NAV3: variants seen among roughly 807,000 people sequenced by gnomAD.
NAV3 encodes the protein neuron navigator 3.
Under a neutral mutation model 244.7 loss-of-function variants are expected in NAV3, and 87 were observed. The observed-to-expected ratio is 0.36, with a 90% CI of 0.30 to 0.42. The LOEUF (loss-of-function observed/expected upper bound fraction) is 0.42, where lower values mean the gene tolerates loss of function less well. Ranked by LOEUF, NAV3 falls within the 20% of genes least tolerant of loss-of-function variation. The probability of loss-of-function intolerance (pLI) is 1.00; values close to 1 mark genes in which losing one functional copy is unlikely to be tolerated. For synonymous variants in NAV3, 1,126 were observed against 1,042.2 expected, an observed-to-expected ratio of 1.08 and a Z score of -1.55; for missense variants, 2,663 against 2,893.3, an observed-to-expected ratio of 0.92 and a Z score of 1.83.
intron 1 of NAV3, among the ~76,000 whole-genome samples, chr12:77,865,598 T>C (rs1046987100): frequency 6.6e-6 from 1 of 152,094 alleles, no homozygotes; most frequent in Non-Finnish European, 1.5e-5. Context: ...CTACTTATTA[T>C]AATTTAAGAC....
intron 2 of NAV3, among the ~76,000 whole-genome samples, chr12:77,597,318 T>C (rs1870215385): frequency 6.6e-6 from 1 of 152,072 alleles, no homozygotes; most frequent in African/African-American, 2.4e-5. Flanking sequence ...GTATTACTCA[T>C]ATGATGTGAA....
At chr12:77,955,620 A>G (rs572966488) in intron 3 of NAV3, among the ~76,000 whole-genome samples, 7 of 152,122 alleles carry the variant, frequency 4.6e-5, no homozygotes, top group Admixed American at 3.9e-4. Flanking sequence ...CTATAATCCC[A>G]GCACTTTGAG....
chr12:78,004,720 G>A (rs531305284), intron 7 of NAV3, among the ~76,000 whole-genome samples: 8 of 152,312 alleles, frequency 5.3e-5, no homozygotes, highest in African/African-American at 1.9e-4. Context: ...GTGCCTTCCT[G>A]ATGCACAACA....
At chr12:77,715,035 AG>A (rs1170411216) in intron 2 of NAV3, among the ~76,000 whole-genome samples, 1 of 151,612 alleles carries the variant, frequency 6.6e-6, no homozygotes, top group Non-Finnish European at 1.5e-5. Context: ...GATGAATGGC[AG>A]GTTAAATTTG....
At chr12:77,590,433 T>C (rs1869853477) in intron 2 of NAV3, among the ~76,000 whole-genome samples, 2 of 152,134 alleles carry the variant, frequency 1.3e-5, no homozygotes, top group South Asian at 4.1e-4. Context: ...AAATACCACA[T>C]GTTCTCACTT....
intron 9 of NAV3, among the ~76,000 whole-genome samples, chr12:78,027,543 A>G (rs1397583744): frequency 6.6e-6 from 1 of 152,212 alleles, no homozygotes; most frequent in Non-Finnish European, 1.5e-5. Flanking sequence ...TCCCAAAGTC[A>G]TAAGTTTTTG....
chr12:77,838,100 T>C (rs1024324886), intron 1 of NAV3, among the ~76,000 whole-genome samples: 4 of 152,216 alleles, frequency 2.6e-5, no homozygotes, highest in Non-Finnish European at 5.9e-5. Context: ...CTTGCCTGTT[T>C]CTGCTGTGCT....
At chr12:77,866,726 T>C (rs1451819097) in intron 1 of NAV3, among the ~76,000 whole-genome samples, 5 of 152,214 alleles carry the variant, frequency 3.3e-5, no homozygotes, top group Non-Finnish European at 7.3e-5. Context: ...ATTGTTCTTG[T>C]ATAACTTCAT....
At chr12:77,601,968 C>G (rs1461064412) in intron 2 of NAV3, among the ~76,000 whole-genome samples, 1 of 151,908 alleles carries the variant, frequency 6.6e-6, no homozygotes, top group Non-Finnish European at 1.5e-5. Context: ...GCTGCTGTAC[C>G]AAAGATCCAA....
At chr12:77,654,191 C>T (rs1872960777) in intron 2 of NAV3, among the ~76,000 whole-genome samples, 1 of 152,214 alleles carries the variant, frequency 6.6e-6, no homozygotes, top group Admixed American at 6.5e-5. Flanking sequence ...AGGGAGTTCC[C>T]TTTCCTAGTC....
At chr12:77,922,647 T>C (rs1433581264) in intron 1 of NAV3, among the ~76,000 whole-genome samples, 1 of 152,140 alleles carries the variant, frequency 6.6e-6, no homozygotes, top group African/African-American at 2.4e-5. Flanking sequence ...CGGCCTGTGT[T>C]CCTCAACCAG....
At chr12:77,825,998 T>C (rs1872977124), upstream of NAV3, among the ~76,000 whole-genome samples, 1 of 151,902 alleles carries the variant, frequency 6.6e-6, no homozygotes, top group Non-Finnish European at 1.5e-5. Flanking sequence ...TACTCCTGAG[T>C]AGAATGGCTA....
intron 2 of NAV3, among the ~76,000 whole-genome samples, chr12:77,749,920 G>T (rs966772730): frequency 1.3e-5 from 2 of 152,182 alleles, no homozygotes; most frequent in African/African-American, 4.8e-5. Context: ...AAGCTTTAAG[G>T]AGTAGACTTG....
chr12:77,790,006 C>T (rs1393602550), intron 2 of NAV3, among the ~76,000 whole-genome samples: 1 of 152,092 alleles, frequency 6.6e-6, no homozygotes, highest in Non-Finnish European at 1.5e-5. Context: ...TAGTGACTAC[C>T]TGGTGAGCAC....
intron 5 of NAV3, among the ~76,000 whole-genome samples, chr12:77,987,744 A>G (rs781446362): frequency 2.0e-5 from 3 of 152,230 alleles, no homozygotes; most frequent in Non-Finnish European, 4.4e-5. Context: ...TTACTGCACC[A>G]TCAAGATACA....
At chr12:78,035,799 A>T (rs573425209) in intron 9 of NAV3, among the ~76,000 whole-genome samples, 1 of 152,290 alleles carries the variant, frequency 6.6e-6, no homozygotes, top group African/African-American at 2.4e-5. Context: ...TCAAAATAAG[A>T]AGGCTTTGAC....
At chr12:78,193,480 T>C (rs1465423680) in intron 34 of NAV3, among the ~76,000 whole-genome samples, 1 of 152,144 alleles carries the variant, frequency 6.6e-6, no homozygotes, top group Non-Finnish European at 1.5e-5. Context: ...GATCTACCAT[T>C]TTTATGTAAC....
At chr12:77,791,278 C>T (rs1484178628) in intron 2 of NAV3, among the ~76,000 whole-genome samples, 4 of 150,832 alleles carry the variant, frequency 2.7e-5, no homozygotes, top group African/African-American at 4.9e-5. Context: ...TGCTTGAACC[C>T]GGGAGGTGGA....
intron 17 of NAV3, among the ~76,000 whole-genome samples, chr12:78,128,283 C>A (rs74107959): frequency 0.012 from 1,431 of 119,546 alleles, 12 homozygotes; most frequent in African/African-American, 0.038. Context: ...AAAAAAAAAA[C>A]AAAAGCTGCC....
Sources: gnomAD v4.1 joint callset for allele counts (sites outside exome capture counted in the v4.1 genomes callset) on GRCh38, gnomAD v4.1.1 for gene constraint, MANE v1.5 for transcripts, NCBI Gene and HGNC (gene_info 2026-07-23, HGNC 2026-07-21) for gene names.